The following PDE2A variants were observed in gnomAD, a reference collection of about 807,000 sequenced individuals.
PDE2A encodes phosphodiesterase 2A.
A neutral mutation model predicts 133.6 loss-of-function variants in PDE2A; 53 were observed. The observed-to-expected ratio is 0.40, with a 90% CI of 0.32 to 0.50. PDE2A has a LOEUF of 0.50. PDE2A is among the 20% of genes least tolerant of loss of function. The probability of loss-of-function intolerance (pLI) is 0.73; values close to 1 mark genes in which losing one functional copy is unlikely to be tolerated. For synonymous variants in PDE2A, 491 were observed against 490.2 expected (o/e 1.00, Z -0.02); for missense variants, 796 against 1,232.4 (o/e 0.65, Z 5.30).
At position 72,578,149 on chromosome 11, in the gene PDE2A, T is replaced by A. The variant is rs1855549787; in HGVS notation, c.2615+84A>T. 2 of 888,524 alleles carry A rather than the reference T, an allele frequency of 2.3e-6. No homozygotes were observed. Among genetic ancestry groups the A allele is most frequent in the Admixed American group, 1.7e-5 (1 of 58,202 alleles). The allele number at this position is 888,524 out of a possible 1,614,324, so 55.0% of individuals were successfully genotyped here. On this transcript the variant is annotated intron_variant, in intron 30 of 30. Coordinates refer to ENST00000334456, the MANE Select transcript of PDE2A (RefSeq NM_002599.5). The surrounding 1 kb of genome is among the most constrained non-coding windows in gnomAD (Gnocchi z 4.2). The stretch of plus-strand genomic sequence containing the variant: ...CAGTTGGACCTGGGCCAGGCCAATC[T>A]CAGCACCTGTGTTTCCTGTGATGTC...
intron 2 of PDE2A, among the ~76,000 whole-genome samples, chr11:72,617,696 C>T (rs924587416): frequency 2.6e-5 from 4 of 152,088 alleles, no homozygotes; most frequent in Admixed American, 1.3e-4. Flanking sequence ...ACATAAGAGC[C>T]GGTAGGGAAC....
chr11:72,630,522 G>C (rs1301432479), intron 2 of PDE2A, among the ~76,000 whole-genome samples: 3 of 151,444 alleles, frequency 2.0e-5, no homozygotes, highest in African/African-American at 4.9e-5. Context: ...GAGCAGTTTG[G>C]GGGAGGCAGG....
At chr11:72,621,356 G>T (rs1345541222) in intron 2 of PDE2A, among the ~76,000 whole-genome samples, 1 of 152,178 alleles carries the variant, frequency 6.6e-6, no homozygotes, top group Non-Finnish European at 1.5e-5. Context: ...TGAAGCTGGG[G>T]CTGAGCCCAC....
chr11:72,614,858 C>T (rs1857384024), intron 2 of PDE2A, among the ~76,000 whole-genome samples: 1 of 152,090 alleles, frequency 6.6e-6, no homozygotes, highest in African/African-American at 2.4e-5. Flanking sequence ...CAGAGGGAGA[C>T]TAGTGGTGGG....
intron 1 of PDE2A, among the ~76,000 whole-genome samples, chr11:72,668,810 C>T (rs1855310772): frequency 6.6e-6 from 1 of 152,216 alleles, no homozygotes; most frequent in Non-Finnish European, 1.5e-5. Context: ...GGCCACACTT[C>T]TCTGAGAAAC....
Position 72,583,413 on chromosome 11 carries a change from G to A in PDE2A, c.1728+25C>T, listed in dbSNP as rs575178200. On this transcript the variant is annotated intron_variant, in intron 20 of 30. Coordinates refer to ENST00000334456, the MANE Select transcript of PDE2A (RefSeq NM_002599.5). The stretch of plus-strand genomic sequence containing the variant: ...GGGTCCCCGGGGAATCTGGGAGGAG[G>A]ACCAGAGGTCTCTGCAAGCCTCACC... 19 of 1,535,466 alleles carry A rather than the reference G, an allele frequency of 1.2e-5. 1 individual carries two copies. The South Asian group carries it at 1.7e-4, about 14-fold the overall frequency.
intron 1 of PDE2A, among the ~76,000 whole-genome samples, chr11:72,642,662 C>T (rs2135438804): frequency 6.6e-6 from 1 of 152,188 alleles, no homozygotes; most frequent in South Asian, 2.1e-4. Flanking sequence ...AGCCTGCGCT[C>T]GCTGCCCCTC....
chr11:72,661,736 T>C (rs1377055923), intron 1 of PDE2A, among the ~76,000 whole-genome samples: 1 of 152,214 alleles, frequency 6.6e-6, no homozygotes, highest in Admixed American at 6.5e-5. Flanking sequence ...CACAGGCGGC[T>C]CCCTCTGACT....
chr11:72,614,856 G>A (rs1857383775), intron 2 of PDE2A, among the ~76,000 whole-genome samples: 1 of 152,138 alleles, frequency 6.6e-6, no homozygotes, highest in South Asian at 2.1e-4. Flanking sequence ...GACAGAGGGA[G>A]ACTAGTGGTG....
At chr11:72,635,612 A>G (rs934743071) in intron 2 of PDE2A, among the ~76,000 whole-genome samples, 1 of 152,230 alleles carries the variant, frequency 6.6e-6, no homozygotes, top group Non-Finnish European at 1.5e-5. Flanking sequence ...CAGACTAACA[A>G]TTCCAGATTC....
At chr11:72,673,370 C>T (rs1240008134) in intron 1 of PDE2A, among the ~76,000 whole-genome samples, 2 of 151,048 alleles carry the variant, frequency 1.3e-5, no homozygotes, top group Admixed American at 6.6e-5. Context: ...CCCTCTACAC[C>T]CAACATGTCC....
chr11:72,606,436 A>C (rs1856975490), intron 3 of PDE2A, among the ~76,000 whole-genome samples: 1 of 151,838 alleles, frequency 6.6e-6, no homozygotes, highest in Admixed American at 6.6e-5. Flanking sequence ...CCTGCCAGCC[A>C]CTCTTCTTGT....
intron 1 of PDE2A, among the ~76,000 whole-genome samples, chr11:72,673,747 C>T (rs910533352): frequency 3.7e-5 from 1 of 27,208 alleles, no homozygotes; most frequent in Non-Finnish European, 8.7e-5. Context: ...GACACTCTCC[C>T]TCTCCGGGTC....
At chr11:72,591,437 C>T in intron 6 of PDE2A, 81 bp from the exon 7 acceptor site, 1 of 1,020,028 alleles carries the variant, frequency 9.8e-7, no homozygotes. Context: ...ATGCGCAGCA[C>T]ACACTGGTCC....
chr11:72,662,472 G>A (rs1452932944), intron 1 of PDE2A, among the ~76,000 whole-genome samples: 2 of 152,228 alleles, frequency 1.3e-5, no homozygotes, highest in Non-Finnish European at 2.9e-5. Context: ...AGATTTGGCA[G>A]TGGAGGGGTC....
chr11:72,585,024 C>T (rs1855899633), intron 16 of PDE2A, 80 bp from the exon 17 acceptor site: 1 of 1,428,662 alleles, frequency 7.0e-7, no homozygotes, highest in Non-Finnish European at 9.9e-7. Context: ...AGGCAAAGGC[C>T]GGATTTCCGA....
chr11:72,598,250 G>A (rs1856576604), intron 4 of PDE2A, among the ~76,000 whole-genome samples: 2 of 152,152 alleles, frequency 1.3e-5, no homozygotes, highest in Admixed American at 1.3e-4. Context: ...GTGAATAAGC[G>A]GTAGAGCCAG....
At chr11:72,581,574 G>T in intron 22 of PDE2A, 95 bp from the exon 23 acceptor site, 2 of 1,386,374 alleles carry the variant, frequency 1.4e-6, no homozygotes. Context: ...CATCCCTGAG[G>T]GACCCTCCAC....
intron 23 of PDE2A, 56 bp downstream of exon 23, chr11:72,581,301 G>C (rs1450503641): frequency 2.1e-6 from 3 of 1,445,572 alleles, no homozygotes; most frequent in Admixed American, 2.3e-5. Context: ...GTGCTTCCCT[G>C]TCCCAGGGAG....
Sources: gnomAD v4.1 joint callset for allele counts (sites outside exome capture counted in the v4.1 genomes callset) on GRCh38, gnomAD v4.1.1 for gene constraint, Gnocchi (gnomAD v3.1) non-coding constraint, MANE v1.5 for transcripts, NCBI Gene and HGNC (gene_info 2026-07-23, HGNC 2026-07-21) for gene names.